ZNF433: variants seen among roughly 807,000 people sequenced by gnomAD.
ZNF433 encodes zinc finger protein 433.
Under a neutral mutation model 10.6 loss-of-function variants are expected in ZNF433, and 12 were observed. That is an observed-to-expected ratio of 1.13 (90% CI 0.72 to 1.83). The LOEUF is 1.83. Ranked by LOEUF, ZNF433 falls within the 40% of genes most tolerant of loss-of-function variation. The pLI is 0.00. For missense variants in ZNF433, 737 were observed against 798.0 expected (o/e 0.92, Z 0.92); for synonymous variants, 272 against 271.3 (o/e 1.00, Z -0.02).
intron 1 of ZNF433, among the ~76,000 whole-genome samples, chr19:12,032,273 A>G (rs1321573872): frequency 6.6e-6 from 1 of 151,916 alleles, no homozygotes; most frequent in Non-Finnish European, 1.5e-5. Flanking sequence ...GTAATTCACC[A>G]ATCTACCATA....
intron 1 of ZNF433, chr19:12,034,785 C>T (rs2145499249): frequency 2.2e-6 from 1 of 453,788 alleles, no homozygotes; most frequent in South Asian, 1.6e-5. Context: ...CACCTTCTAA[C>T]CCCCCTTCCA....
chr19:12,016,076 T>C lies in ZNF433; in HGVS notation c.782A>G (p.His261Arg), dbSNP rs369058316. Residue 261 changes from histidine (H) to arginine (R), a missense_variant, in exon 4 of 4, where the codon CAT (histidine) becomes CGT (arginine). His to Arg is a conservative substitution (Grantham distance 29). Coordinates refer to ENST00000550507, the MANE Select transcript of ZNF433 (RefSeq NM_001308348.2). Reference protein sequence around the residue: ...YKCNECGKAFHSSTCLHAHKR... With the variant: ...YKCNECGKAFRSSTCLHAHKR... ...ATGAGCATGAAGGCATGTGGAACTA[T>C]GGAATGCTTTCCCACATTCATTACA... 13 of 1,613,670 alleles carry C rather than the reference T, an allele frequency of 8.1e-6. No homozygotes were observed. The highest frequency in any genetic ancestry group is 6.7e-5 in the African/African-American group (5 of 74,792).
In ZNF433 at chr19:12,016,650, G is replaced by GTC. The variant is rs1357123995; in HGVS notation, c.206_207dup (p.Leu70AspfsTer15). 6.2e-7 allele frequency: 1 copy of GTC among 1,613,792 alleles called. No homozygotes were observed. The highest frequency in any genetic ancestry group is 8.5e-7 in the Non-Finnish European group (1 of 1,179,916). On this transcript the variant is annotated frameshift_variant, in exon 4 of 4. Coordinates refer to ENST00000550507, the MANE Select transcript of ZNF433 (RefSeq NM_001308348.2). LOFTEE classifies it low-confidence loss of function (END_TRUNC). ...TGATGACCTTCTTTACTTTCAAAGA[G>GTC]TCTCTCTCCCACAATTCTGTGAACA...
chr19:12,015,532 CGT>C lies in ZNF433; in HGVS notation c.1324_1325del (p.Thr442GlyfsTer8). 6.2e-7 allele frequency: 1 copy of C among 1,604,180 alleles called. No homozygotes were observed. The highest frequency in any genetic ancestry group is 8.5e-7 in the Non-Finnish European group (1 of 1,176,104). ...CCTTACATGCATAGGGTTTCTCTCC[CGT>C]GTGAGTCCTACCATGTGTTTGAAGG... ...SLLQTHGRTH[T>X]GEKPYACKEC... On this transcript the variant is annotated frameshift_variant, in exon 4 of 4. Coordinates refer to ENST00000550507, the MANE Select transcript of ZNF433 (RefSeq NM_001308348.2). LOFTEE classifies it low-confidence loss of function (END_TRUNC).
At chr19:12,025,422 G>A (rs1974688228) in intron 1 of ZNF433, 1 of 152,176 alleles carries the variant, frequency 6.6e-6, no homozygotes, top group Admixed American at 6.5e-5. Flanking sequence ...TCAAATGGCT[G>A]ATGGCCTAGT....
intron 1 of ZNF433, among the ~76,000 whole-genome samples, chr19:12,030,352 C>G (rs1974957778): frequency 6.6e-6 from 1 of 152,018 alleles, no homozygotes; most frequent in African/African-American, 2.4e-5. Context: ...TCCTGAGTAG[C>G]TGGGACTACA....
At chr19:12,018,324 G>T (rs1412755663) in intron 1 of ZNF433, 32 bp from the exon 2 acceptor site, 1 of 1,595,816 alleles carries the variant, frequency 6.3e-7, no homozygotes, top group Non-Finnish European at 8.5e-7. Context: ...GAGGAGGATG[G>T]ATAAGACTAA....
rs1974116716 is a variant in ZNF433 at position 12,015,358 on chromosome 19, T to C, written c.1500A>G (p.Gly500=). 1 of 1,612,434 alleles carries C rather than the reference T, an allele frequency of 6.2e-7. No homozygotes were observed. The highest frequency in any genetic ancestry group is 1.7e-5 in the Admixed American group (1 of 59,864). ...FHRHERTHTG[G]KTYECKQCGR... Reference sequence around the variant, plus strand: ...CACACTGCTTGCATTCATAGGTTTTTCCTCCAGTGTGAGTCCTTTCATGTC... The same window carrying C: ...CACACTGCTTGCATTCATAGGTTTTCCCTCCAGTGTGAGTCCTTTCATGTC... The change falls in exon 4 of 4, where the codon GGA becomes GGG. Residue 500 remains glycine, a synonymous_variant. Transcript: ENST00000550507.
intron 1 of ZNF433, chr19:12,026,754 A>G (rs1599368975): frequency 2.2e-6 from 1 of 454,024 alleles, no homozygotes; most frequent in African/African-American, 2.0e-5. Context: ...AACGATTCCT[A>G]TGGAGTCATT....
rs1423278917 is a variant in ZNF433 at position 12,030,100 on chromosome 19, AAAAAAAT to A, written c.3+5430_3+5436del. The A allele has an allele frequency of 8.1e-4, 300 of 371,326 alleles. 2 individuals carry two copies. Among genetic ancestry groups the A allele is most frequent in the African/African-American group, 6.4e-3 (290 of 45,398 alleles). 23.0% of individuals were successfully genotyped at this position (371,326 alleles called of 1,614,324 possible). ...CCATCTCAAAAAAAAAAAAAAAAAA[AAAAAAAT>A]AGCCATCTGCAAACCAGGAAGCAGG... On this transcript the variant is annotated intron_variant, in intron 1 of 3. Transcript: ENST00000550507.
chr19:12,017,829 T>G (rs761885178), intron 3 of ZNF433, 47 bp downstream of exon 3: 15 of 1,125,546 alleles, frequency 1.3e-5, no homozygotes, highest in Non-Finnish European at 1.9e-5. Context: ...TCTCCCATTC[T>G]AAGATTTTCT....
At chr19:12,031,762 C>T (rs533483540) in intron 1 of ZNF433, among the ~76,000 whole-genome samples, 1 of 152,014 alleles carries the variant, frequency 6.6e-6, no homozygotes, top group East Asian at 1.9e-4. Context: ...GAGTGGCATG[C>T]ACCTGTGAGC....
At chr19:12,027,610 T>G (rs1332609389) in intron 1 of ZNF433, among the ~76,000 whole-genome samples, 1 of 152,252 alleles carries the variant, frequency 6.6e-6, no homozygotes, top group Admixed American at 6.5e-5. Flanking sequence ...ATAAGGAATA[T>G]TTTTAGTTAA....
At chr19:12,031,571 G>A (rs1023293416) in intron 1 of ZNF433, among the ~76,000 whole-genome samples, 11 of 152,154 alleles carry the variant, frequency 7.2e-5, no homozygotes, top group African/African-American at 2.7e-4. Context: ...TTGGACCCAG[G>A]AGGTGGAGGT....
chr19:12,034,247 C>T (rs1202959074), intron 1 of ZNF433, among the ~76,000 whole-genome samples: 5 of 152,104 alleles, frequency 3.3e-5, no homozygotes, highest in Non-Finnish European at 7.4e-5. Flanking sequence ...GATTATACAA[C>T]CAAAAATTTT....
Position 12,018,008 on chromosome 19 carries a change from C to G in ZNF433, c.131-72G>C, listed in dbSNP as rs868365904. 26 of 1,311,142 alleles carry G rather than the reference C, an allele frequency of 2.0e-5. 1 individual carries two copies. Among genetic ancestry groups the G allele is most frequent in the Middle Eastern group, 4.8e-4 (2 of 4,148 alleles). 81.2% of individuals were successfully genotyped at this position (1,311,142 alleles called of 1,614,324 possible). On this transcript the variant is annotated intron_variant, in intron 2 of 3. Coordinates refer to ENST00000550507, the MANE Select transcript of ZNF433 (RefSeq NM_001308348.2). The stretch of plus-strand genomic sequence containing the variant: ...TTAAAAAATTACATGATTCTATGTT[C>G]ATGGTACACTGCAAGCATGCTTCCT...
intron 1 of ZNF433, among the ~76,000 whole-genome samples, chr19:12,030,831 C>A (rs1223726660): frequency 1.3e-5 from 2 of 152,206 alleles, no homozygotes; most frequent in African/African-American, 4.8e-5. Flanking sequence ...GTAATCCCAG[C>A]ACTTTTGGAG....
intron 1 of ZNF433, among the ~76,000 whole-genome samples, chr19:12,027,425 G>A (rs1974794022): frequency 6.6e-6 from 1 of 152,172 alleles, no homozygotes; most frequent in Non-Finnish European, 1.5e-5. Flanking sequence ...TGGCTATGAT[G>A]CCCACACTGA....
At chr19:12,032,185 G>A (rs111992033) in intron 1 of ZNF433, among the ~76,000 whole-genome samples, 31 of 152,026 alleles carry the variant, frequency 2.0e-4, no homozygotes, top group South Asian at 1.7e-3. Context: ...TGATCTGTGC[G>A]CCTCGACCTC....
Sources: gnomAD v4.1 joint callset for allele counts (sites outside exome capture counted in the v4.1 genomes callset) on GRCh38, gnomAD v4.1.1 for gene constraint, MANE v1.5 for transcripts, NCBI Gene and HGNC (gene_info 2026-07-23, HGNC 2026-07-21) for gene names.